The following SLC44A5 variants were observed in gnomAD, a reference collection of about 807,000 sequenced individuals.
SLC44A5 encodes the protein choline transporter-like protein 5.
A neutral mutation model predicts 101.8 loss-of-function variants in SLC44A5; 57 were observed. The observed-to-expected ratio is 0.56, with a 90% CI of 0.45 to 0.70. The LOEUF (loss-of-function observed/expected upper bound fraction) is 0.70, where lower values mean the gene tolerates loss of function less well. Among genes scored for constraint, SLC44A5 ranks in the 30% least tolerant of loss-of-function variants. The pLI is 0.00. For missense variants in SLC44A5, 737 were observed against 853.1 expected (o/e 0.86, Z 1.70); for synonymous variants, 281 against 290.9 (o/e 0.97, Z 0.35).
chr1:75,701,458 A>T, the SLC44A5 span, among the ~76,000 whole-genome samples: 6 of 152,166 alleles, frequency 3.9e-5, 1 homozygote, highest in South Asian at 2.1e-4. Flanking sequence ...ATTCAACAAC[A>T]CTTCATGCTA....
intron 2 of SLC44A5, among the ~76,000 whole-genome samples, chr1:75,445,115 A>G (rs1199858133): frequency 6.6e-6 from 1 of 152,112 alleles, no homozygotes; most frequent in Non-Finnish European, 1.5e-5. Flanking sequence ...GTGATCCTCA[A>G]TATTAGAGGT....
the SLC44A5 span, among the ~76,000 whole-genome samples, chr1:75,703,220 T>C: frequency 2.0e-5 from 3 of 151,708 alleles, no homozygotes; most frequent in Non-Finnish European, 2.9e-5. Context: ...CATATGTTTA[T>C]TGTGGCACTA....
chr1:75,541,519 G>T lies in SLC44A5; in HGVS notation c.-69-3C>A. The T allele has an allele frequency of 6.3e-7, 1 of 1,590,888 alleles. No individual in the cohort carries two copies. The highest frequency in any genetic ancestry group is 8.5e-7 in the Non-Finnish European group (1 of 1,170,018). ...ACTTGAGTTGCTTAGAAAAGAGTCTGTGATAAAAACAAGTATGAAGATAGT... is the reference window on the plus strand; with the variant it reads ...ACTTGAGTTGCTTAGAAAAGAGTCTTTGATAAAAACAAGTATGAAGATAGT... On this transcript the variant is annotated splice_polypyrimidine_tract_variant and splice_region_variant and intron_variant, in intron 1 of 23. Transcript: ENST00000370859.
intron 18 of SLC44A5, among the ~76,000 whole-genome samples, chr1:75,217,004 C>T (rs1570378545): frequency 6.6e-6 from 1 of 151,958 alleles, no homozygotes; most frequent in Non-Finnish European, 1.5e-5. Flanking sequence ...TTTGGGTGTA[C>T]TATCTAAGAA....
At chr1:75,716,288 G>A in the SLC44A5 span, among the ~76,000 whole-genome samples, 1 of 152,050 alleles carries the variant, frequency 6.6e-6, no homozygotes, top group African/African-American at 2.4e-5. Context: ...AGACCAGCCT[G>A]GGCAACATAA....
intron 6 of SLC44A5, among the ~76,000 whole-genome samples, chr1:75,259,287 G>T (rs1371335694): frequency 2.6e-5 from 4 of 152,066 alleles, no homozygotes; most frequent in Non-Finnish European, 5.9e-5. Context: ...CTTGAGAAAA[G>T]GTTAGATGAA....
At chr1:75,333,605 TGTGC>T (rs1657221300) in intron 4 of SLC44A5, among the ~76,000 whole-genome samples, 1 of 152,200 alleles carries the variant, frequency 6.6e-6, no homozygotes, top group Admixed American at 6.5e-5. Flanking sequence ...TGCCAGGCAC[TGTGC>T]TATGTGCTAG....
chr1:75,208,697 A>G (rs1646796041), intron 23 of SLC44A5, among the ~76,000 whole-genome samples: 1 of 152,132 alleles, frequency 6.6e-6, no homozygotes, highest in Non-Finnish European at 1.5e-5. Context: ...TGTAACCCCC[A>G]TGGATAAGGA....
intron 5 of SLC44A5, among the ~76,000 whole-genome samples, chr1:75,288,777 A>T (rs917182195): frequency 6.6e-6 from 1 of 152,158 alleles, no homozygotes; most frequent in Non-Finnish European, 1.5e-5. Flanking sequence ...CCTTTTTCCG[A>T]TAAGTGGATA....
intron 3 of SLC44A5, among the ~76,000 whole-genome samples, chr1:75,376,924 T>A (rs1384189187): frequency 1.3e-5 from 2 of 152,004 alleles, no homozygotes; most frequent in Non-Finnish European, 2.9e-5. Flanking sequence ...AGTTGAAAAC[T>A]TTGAAAAAAA....
Position 75,227,859 on chromosome 1 carries a change from T to C in SLC44A5, c.854-2A>G. Reference sequence around the variant, plus strand: ...ACTGCTGGTAACAGTGCCATATTCCTTGAAAAAGAAAGAAAAACAGAATAA... The same window carrying C: ...ACTGCTGGTAACAGTGCCATATTCCCTGAAAAAGAAAGAAAAACAGAATAA... On this transcript the variant is annotated splice_acceptor_variant, in intron 12 of 23. Coordinates refer to ENST00000370859, the MANE Select transcript of SLC44A5 (RefSeq NM_001130058.2). LOFTEE classifies it high-confidence loss of function. The C allele has an allele frequency of 6.3e-7, 1 of 1,580,588 alleles. No individual in the cohort carries two copies. The highest frequency in any genetic ancestry group is 2.3e-5 in the East Asian group (1 of 43,826).
At chr1:75,446,124 A>G (rs1665562134) in intron 2 of SLC44A5, among the ~76,000 whole-genome samples, 1 of 152,160 alleles carries the variant, frequency 6.6e-6, no homozygotes, top group South Asian at 2.1e-4. Context: ...TTCTACTCCC[A>G]GTCCTGGTTC....
chr1:75,458,958 A>G (rs1357166922), intron 2 of SLC44A5, among the ~76,000 whole-genome samples: 5 of 152,196 alleles, frequency 3.3e-5, no homozygotes, highest in Non-Finnish European at 7.3e-5. Flanking sequence ...ATACGGATCT[A>G]GAGTTCAAGA....
chr1:75,698,734 C>T, the SLC44A5 span, among the ~76,000 whole-genome samples: 2 of 152,144 alleles, frequency 1.3e-5, no homozygotes, highest in East Asian at 3.9e-4. Flanking sequence ...AAACCAAAGG[C>T]AAAGAAGTTG....
intron 23 of SLC44A5, among the ~76,000 whole-genome samples, chr1:75,208,418 CAA>C: frequency 6.6e-6 from 1 of 152,250 alleles, no homozygotes; most frequent in South Asian, 2.1e-4. Context: ...CTCGGCCTCC[CAA>C]AGTGTTGGGA....
intron 5 of SLC44A5, among the ~76,000 whole-genome samples, chr1:75,279,541 T>G (rs1652216876): frequency 6.6e-6 from 1 of 152,146 alleles, no homozygotes; most frequent in Non-Finnish European, 1.5e-5. Flanking sequence ...TAAGAAATAT[T>G]TGTTTTTTAA....
At chr1:75,389,120 A>C (rs1315587275) in intron 3 of SLC44A5, among the ~76,000 whole-genome samples, 2 of 151,884 alleles carry the variant, frequency 1.3e-5, no homozygotes, top group Non-Finnish European at 3.0e-5. Flanking sequence ...TCATTTAAAC[A>C]AAAAAGACAT....
chr1:75,495,090 T>C lies in SLC44A5; in HGVS notation c.13+46345A>G, dbSNP rs191627605. Reference sequence around the variant, plus strand: ...CTAGGAAAATGAGGAAACGGAAATATGTGACAAACAGAAGAACAAGATACT... The same window carrying C: ...CTAGGAAAATGAGGAAACGGAAATACGTGACAAACAGAAGAACAAGATACT... On this transcript the variant is annotated intron_variant, in intron 2 of 23. Coordinates refer to ENST00000370859, the MANE Select transcript of SLC44A5 (RefSeq NM_001130058.2). Among the ~76,000 whole-genome samples the C allele has an allele frequency of 5.1e-4, 78 of 152,202 alleles. No individual in the cohort carries two copies. In the East Asian group the frequency reaches 0.013, roughly 26 times the overall value.
chr1:75,263,988 C>T (rs781314811), intron 6 of SLC44A5, among the ~76,000 whole-genome samples: 13 of 151,806 alleles, frequency 8.6e-5, no homozygotes, highest in East Asian at 5.8e-4. Context: ...TGGGGGGTTG[C>T]GGCTTAGGGG....
Sources: gnomAD v4.1 joint callset for allele counts (sites outside exome capture counted in the v4.1 genomes callset) on GRCh38, gnomAD v4.1.1 for gene constraint, MANE v1.5 for transcripts, NCBI Gene and HGNC (gene_info 2026-07-23, HGNC 2026-07-21) for gene names.